ATP2C2: variants seen among roughly 807,000 people sequenced by gnomAD.
The protein encoded by ATP2C2 is calcium-transporting ATPase type 2C member 2.
Under a neutral mutation model 110.8 loss-of-function variants are expected in ATP2C2, and 171 were observed. That is an observed-to-expected ratio of 1.54 (90% confidence interval 1.36 to 1.75). The LOEUF (loss-of-function observed/expected upper bound fraction) is 1.75. Among genes scored for constraint, ATP2C2 ranks in the 40% most tolerant of loss-of-function variants. The pLI is 0.00. For missense variants in ATP2C2, 1,963 were observed against 1,235.0 expected (o/e 1.59, Z -8.84); for synonymous variants, 804 against 508.4 (o/e 1.58, Z -7.82).
intron 7 of ATP2C2, among the ~76,000 whole-genome samples, chr16:84,420,066 C>G (rs1597802615): frequency 6.6e-6 from 1 of 152,154 alleles, no homozygotes; most frequent in South Asian, 2.1e-4. Context: ...ACCTAAAACC[C>G]TCCCCCAGCA....
chr16:84,402,671 A>ATG (rs1165777465), intron 2 of ATP2C2, among the ~76,000 whole-genome samples: 1 of 152,106 alleles, frequency 6.6e-6, no homozygotes, highest in African/African-American at 2.4e-5. Flanking sequence ...TTTCATTTTA[A>ATG]TGTGTTATTG....
chr16:84,418,919 C>G (rs1217231960), intron 7 of ATP2C2, among the ~76,000 whole-genome samples: 4 of 152,208 alleles, frequency 2.6e-5, no homozygotes, highest in Non-Finnish European at 4.4e-5. Context: ...ATCAACAGTG[C>G]TAACAGGGTC....
At chr16:84,437,385 AT>A (rs113832226) in intron 11 of ATP2C2, among the ~76,000 whole-genome samples, 1,645 of 151,002 alleles carry the variant, frequency 0.011, 35 homozygotes, top group African/African-American at 0.038. Flanking sequence ...TGTATATATA[AT>A]TTTTTTTTTT....
At chr16:84,372,431 C>G (rs140451104) in intron 1 of ATP2C2, among the ~76,000 whole-genome samples, 1,688 of 152,216 alleles carry the variant, frequency 0.011, 27 homozygotes, top group South Asian at 0.022. Context: ...TGTACTGCAA[C>G]CCCACAGTGT....
At chr16:84,371,227 G>A (rs1349709039) in intron 1 of ATP2C2, among the ~76,000 whole-genome samples, 1 of 152,158 alleles carries the variant, frequency 6.6e-6, no homozygotes, top group Non-Finnish European at 1.5e-5. Context: ...TGGAAAGAAA[G>A]GTGTTTGAGC....
chr16:84,463,109 C>A (rs961580629), intron 26 of ATP2C2: 1 of 161,020 alleles, frequency 6.2e-6, no homozygotes, highest in African/African-American at 2.4e-5. Context: ...CTTGGGCAGC[C>A]CGTACATCAG....
chr16:84,438,994 T>A, intron 11 of ATP2C2, 172 bp from the exon 12 acceptor site: 1 of 935,220 alleles, frequency 1.1e-6, no homozygotes, highest in Non-Finnish European at 1.6e-6. Context: ...CTCAGGACAG[T>A]GGGTGCTGCA....
chr16:84,451,630 G>C (rs376091177), intron 17 of ATP2C2, among the ~76,000 whole-genome samples: 1 of 152,172 alleles, frequency 6.6e-6, no homozygotes, highest in Non-Finnish European at 1.5e-5. Flanking sequence ...CTGAGGTCAG[G>C]AGTTTGAGAC....
intron 23 of ATP2C2, chr16:84,460,448 G>T: frequency 1.5e-6 from 1 of 684,734 alleles, no homozygotes; most frequent in Admixed American, 2.4e-5. Flanking sequence ...CGGGACAGAT[G>T]GAGGGGCACA....
Position 84,460,546 on chromosome 16 carries a change from C to T in ATP2C2, c.2334-108C>T, listed in dbSNP as rs1567467089. On this transcript the variant is annotated intron_variant, in intron 23 of 26. Transcript: ENST00000262429. Reference sequence around the variant, plus strand: ...TGGGGGCGTTCAGCAAATGCCTGGCCCTGCCCCCTGTGCCAACTTGGCCTG... The same window carrying T: ...TGGGGGCGTTCAGCAAATGCCTGGCTCTGCCCCCTGTGCCAACTTGGCCTG... The T allele has an allele frequency of 6.0e-6, 9 of 1,511,506 alleles. No homozygotes were observed. The East Asian group carries it at 1.6e-4, about 27-fold the overall frequency. The allele number at this position is 1,511,506 out of a possible 1,614,324, so 93.6% of individuals were successfully genotyped here.
intron 11 of ATP2C2, among the ~76,000 whole-genome samples, chr16:84,426,765 C>T (rs932877691): frequency 7.2e-5 from 11 of 152,220 alleles, no homozygotes; most frequent in African/African-American, 9.6e-5. Flanking sequence ...GCTATCAGAG[C>T]GGCAATGGAT....
chr16:84,449,511 G>A (rs1052899484), intron 17 of ATP2C2, among the ~76,000 whole-genome samples: 1 of 152,190 alleles, frequency 6.6e-6, no homozygotes, highest in Non-Finnish European at 1.5e-5. Flanking sequence ...GAAGGCAGGA[G>A]AGCAGTGACT....
rs533525646 is a variant in ATP2C2, at chr16:84,382,160, G to A, written c.99+13446G>A. Among the ~76,000 whole-genome samples, 14 of 151,866 alleles carry A rather than the reference G, an allele frequency of 9.2e-5. No homozygotes were observed. In the South Asian group the frequency reaches 1.0e-3, roughly 11 times the overall value. ...CTCCCCACACCCCCTGACAGGCCCC[G>A]GTGTGTGATGTTCCCGTCCCTGTGT... is the stretch of plus-strand genomic sequence containing the variant. On this transcript the variant is annotated intron_variant, in intron 1 of 26. Transcript: ENST00000262429.
At chr16:84,441,870 C>CTGA (rs1480521170) in intron 14 of ATP2C2, among the ~76,000 whole-genome samples, 2 of 152,146 alleles carry the variant, frequency 1.3e-5, no homozygotes, top group Non-Finnish European at 2.9e-5. Flanking sequence ...TTGCAGTGAG[C>CTGA]TGAGGTCATG....
Position 84,387,865 on chromosome 16 carries a change from T to C in ATP2C2, c.100-10634T>C, listed in dbSNP as rs548685445. Among the ~76,000 whole-genome samples the C allele has an allele frequency of 1.7e-4, 26 of 151,514 alleles. 1 individual carries two copies. The highest frequency in any genetic ancestry group is 6.8e-3 in the Middle Eastern group (2 of 292). ...ACTTTGGGAAGCTGAGGTGGTAGGA[T>C]TGCTTGAGCCCAGGAGTCCAAGGCC... On this transcript the variant is annotated intron_variant, in intron 1 of 26. Coordinates refer to ENST00000262429, the MANE Select transcript of ATP2C2 (RefSeq NM_014861.4).
chr16:84,377,977 A>C (rs7196982), intron 1 of ATP2C2, among the ~76,000 whole-genome samples: 10 of 151,974 alleles, frequency 6.6e-5, no homozygotes, highest in Admixed American at 5.2e-4. Context: ...CCTGTGGCCT[A>C]TTGGAGAGAA....
At chr16:84,423,145 G>C (rs764500182) in intron 9 of ATP2C2, 43 bp from the exon 10 acceptor site, 1 of 1,551,380 alleles carries the variant, frequency 6.4e-7, no homozygotes, top group Non-Finnish European at 8.9e-7. Context: ...GCAGGCAGAA[G>C]CTAGGATCTT....
chr16:84,439,636 G>A, intron 13 of ATP2C2, 112 bp downstream of exon 13: 2 of 1,052,858 alleles, frequency 1.9e-6, no homozygotes, highest in South Asian at 2.8e-5. Context: ...AATAAATTGG[G>A]GTCATCTTAT....
In ATP2C2 at chr16:84,459,208, C is replaced by G. The variant is rs766761139; in HGVS notation, c.2216+20C>G. 10 of 1,614,098 alleles carry G rather than the reference C, an allele frequency of 6.2e-6. No homozygotes were observed. The highest frequency in any genetic ancestry group is 1.3e-5 in the African/African-American group (1 of 74,944). On this transcript the variant is annotated intron_variant, in intron 22 of 26. Coordinates refer to ENST00000262429, the MANE Select transcript of ATP2C2 (RefSeq NM_014861.4). Reference sequence around the variant, plus strand: ...GAGCACGTAAGTAGAGGCCAGCATTCCGAGTGTCATTAAGCACCACGCCTG... The same window carrying G: ...GAGCACGTAAGTAGAGGCCAGCATTGCGAGTGTCATTAAGCACCACGCCTG...
Sources: gnomAD v4.1 joint callset for allele counts (sites outside exome capture counted in the v4.1 genomes callset) on GRCh38, gnomAD v4.1.1 for gene constraint, MANE v1.5 for transcripts, NCBI Gene and HGNC (gene_info 2026-07-23, HGNC 2026-07-21) for gene names.